Variants in HIPK4 observed in about 807,000 individuals in gnomAD.
The protein encoded by HIPK4 is homeodomain-interacting protein kinase 4.
HIPK4 carries 26 observed loss-of-function variants against 44.8 expected under a neutral mutation model. That is an observed-to-expected ratio of 0.58 (90% CI 0.43 to 0.80). The LOEUF is 0.80. Ranked by LOEUF, HIPK4 falls within the 30% of genes least tolerant of loss-of-function variation. HIPK4 has a pLI of 0.00. For synonymous variants in HIPK4, 340 were observed against 355.5 expected (o/e 0.96, Z 0.49); for missense variants, 729 against 862.6 (o/e 0.85, Z 1.94).
chr19:40,380,839 C>T lies in HIPK4; in HGVS notation c.1152G>A (p.Val384=). ...QVEGKPPTPV[V]AAEDGTPYYC... is the part of the protein sequence containing the mutation. ...AGTAGGGGGTCCCATCTTCTGCGGC[C>T]ACGACGGGCGTGGGGGGCTTCCCCT... The change falls in exon 3 of 4, where the codon GTG becomes GTA. Residue 384 remains valine, a synonymous_variant. Coordinates refer to ENST00000291823, the MANE Select transcript of HIPK4 (RefSeq NM_144685.5). This position sits in a 1 kb window ranked among gnomAD's most constrained non-coding sequence, Gnocchi z 4.2. 1 of 1,610,488 alleles carries T rather than the reference C, an allele frequency of 6.2e-7. No homozygotes were observed. The highest frequency in any genetic ancestry group is 8.5e-7 in the Non-Finnish European group (1 of 1,176,994).
In HIPK4 at chr19:40,379,718, T is replaced by C. The variant is rs752834356; in HGVS notation, c.1720A>G (p.Ser574Gly). 6.2e-7 allele frequency: 1 copy of C among 1,610,824 alleles called. No homozygotes were observed. Among genetic ancestry groups the C allele is most frequent in the Non-Finnish European group, 8.5e-7 (1 of 1,179,174 alleles). The change falls in exon 4 of 4, where the codon AGT becomes GGT. Residue 574 changes from serine to glycine, a missense_variant. By Grantham distance (56) the Ser-to-Gly change is moderately conservative. Coordinates refer to ENST00000291823, the MANE Select transcript of HIPK4 (RefSeq NM_144685.5). ...DPSSCPGEWL[S>G]EPDCTLESVR... The stretch of plus-strand genomic sequence containing the variant: ...CTCTCCAGGGTGCAGTCTGGCTCAC[T>C]CAGCCATTCTCCAGGACAGCTGCTG...
At position 40,389,874 on chromosome 19, in the gene HIPK4, C is replaced by G. The variant is rs374592673; in HGVS notation, c.29G>C (p.Cys10Ser). 103 of 1,610,642 alleles carry G rather than the reference C, an allele frequency of 6.4e-5. No homozygotes were observed. The highest frequency in any genetic ancestry group is 8.4e-5 in the Non-Finnish European group (99 of 1,179,922). MSTIQSETDCYDIIEVLGKG... is the reference protein window; with the variant it reads MSTIQSETDSYDIIEVLGKG... The stretch of plus-strand genomic sequence containing the variant: ...GCCCAAGACCTCGATGATGTCGTAG[C>G]AGTCAGTCTCCGACTGGATGGTGGA... The change falls in exon 1 of 4, where the codon TGC becomes TCC. Residue 10 changes from cysteine to serine, a missense_variant. Coordinates refer to ENST00000291823, the MANE Select transcript of HIPK4 (RefSeq NM_144685.5). The surrounding 1 kb of genome is among the most constrained non-coding windows in gnomAD (Gnocchi z 4.6).
In HIPK4 at chr19:40,380,173, G is replaced by A. The variant is rs573624138; in HGVS notation, c.1668+150C>T. ...TTATCATATCTTGACGGTATTAGGT[G>A]TGTGCTGAGCCTCCTAAGTCCCTAA... On this transcript the variant is annotated intron_variant, in intron 3 of 3. Coordinates refer to ENST00000291823, the MANE Select transcript of HIPK4 (RefSeq NM_144685.5). This position sits in a 1 kb window ranked among gnomAD's most constrained non-coding sequence, Gnocchi z 4.2. 7 of 1,029,366 alleles carry A rather than the reference G, an allele frequency of 6.8e-6. No homozygotes were observed. The East Asian group carries it at 7.8e-5, about 11-fold the overall frequency. The allele number at this position is 1,029,366 out of a possible 1,614,324, so 63.8% of individuals were successfully genotyped here.
At chr19:40,379,907 G>C in intron 3 of HIPK4, 138 bp from the exon 4 acceptor site, 1 of 909,066 alleles carries the variant, frequency 1.1e-6, no homozygotes, top group Non-Finnish European at 1.6e-6. Context: ...CCCCTTTGTA[G>C]TGATGTGATG....
At position 40,380,459 on chromosome 19, in the gene HIPK4, G is replaced by A. The variant is rs774589219; in HGVS notation, c.1532C>T (p.Ser511Leu). 1.7e-5 allele frequency: 27 copies of A among 1,613,690 alleles called. No homozygotes were observed. Among genetic ancestry groups the A allele is most frequent in the Admixed American group, 5.0e-5 (3 of 59,996 alleles). ...FSNLIRLSQV[S>L]PEDDRPCRGS... is the part of the protein sequence containing the mutation. ...CCGGCAGGGCCTGTCATCCTCAGGC[G>A]AGACCTGGCTCAGCCGAATGAGGTT... The change falls in exon 3 of 4, where the codon TCG becomes TTG. Residue 511 changes from serine (S) to leucine (L), a missense_variant. Physicochemically the swap from Ser to Leu is moderately radical, Grantham distance 145 (BLOSUM62 -2). Transcript: ENST00000291823. The surrounding 1 kb of genome is among the most constrained non-coding windows in gnomAD (Gnocchi z 4.2).
chr19:40,381,089 C>G lies in HIPK4; in HGVS notation c.902G>C (p.Ser301Thr). 1.2e-6 allele frequency: 2 copies of G among 1,611,962 alleles called. No homozygotes were observed. Among genetic ancestry groups the G allele is most frequent in the Admixed American group, 1.7e-5 (1 of 60,028 alleles). ...IETVNGGSVA[S>T]RLTFPDREAL... ...CTCCCGGTCAGGGAAGGTTAGCCGACTGGCCACACTGCCACCATTCACTGT... is the reference window on the plus strand; with the variant it reads ...CTCCCGGTCAGGGAAGGTTAGCCGAGTGGCCACACTGCCACCATTCACTGT... The change falls in exon 3 of 4, where the codon AGT becomes ACT. Residue 301 changes from serine (S) to threonine (T), a missense_variant. Ser to Thr is a moderately conservative substitution (Grantham distance 58). Transcript: ENST00000291823.
At position 40,384,135 on chromosome 19, in the gene HIPK4, A is replaced by G; in HGVS notation, c.470T>C (p.Ile157Thr). The G allele has an allele frequency of 1.3e-6, 2 of 1,573,952 alleles. No individual in the cohort carries two copies. Among genetic ancestry groups the G allele is most frequent in the Non-Finnish European group, 1.7e-6 (2 of 1,154,360 alleles). The change falls in exon 2 of 4, where the codon ATT (isoleucine) becomes ACT (threonine). Residue 157 changes from isoleucine to threonine, a missense_variant. Transcript: ENST00000291823. ...GAAAATGCTGGCGGATCCGAAGTCA[A>G]TCACCTGTCGGGGGTGGGGAAGAGG... ...QTRCPFRVKV[I>T]DFGSASIFSE...
chr19:40,380,551 G>A lies in HIPK4; in HGVS notation c.1440C>T (p.Ser480=). The A allele has an allele frequency of 6.2e-7, 1 of 1,611,866 alleles. No individual in the cohort carries two copies. The highest frequency in any genetic ancestry group is 2.2e-5 in the East Asian group (1 of 44,880). Residue 480 remains serine (S), a synonymous_variant, in exon 3 of 4, where the codon AGC becomes AGT. Transcript: ENST00000291823. This position sits in a 1 kb window ranked among gnomAD's most constrained non-coding sequence, Gnocchi z 4.2. The part of the protein sequence containing the change: ...GPEPILAFYS[S]RLAGRHKARK... Reference sequence around the variant, plus strand: ...GGGCCTTGTGGCGGCCTGCCAGGCGGCTGCTGTAGAAGGCCAGGATGGGCT... The same window carrying A: ...GGGCCTTGTGGCGGCCTGCCAGGCGACTGCTGTAGAAGGCCAGGATGGGCT...
Position 40,379,703 on chromosome 19 carries a change from T to C in HIPK4, c.1735A>G (p.Thr579Ala). The change falls in exon 4 of 4, where the codon ACC becomes GCC. Residue 579 changes from threonine to alanine, a missense_variant. Coordinates refer to ENST00000291823, the MANE Select transcript of HIPK4 (RefSeq NM_144685.5). ...CGTGGGCCCCTGACGCTCTCCAGGG[T>C]GCAGTCTGGCTCACTCAGCCATTCT... ...PGEWLSEPDCTLESVRGPRAQ... is the reference protein window; with the variant it reads ...PGEWLSEPDCALESVRGPRAQ... 6.2e-7 allele frequency: 1 copy of C among 1,606,538 alleles called. No homozygotes were observed. Among genetic ancestry groups the C allele is most frequent in the Non-Finnish European group, 8.5e-7 (1 of 1,177,730 alleles).
chr19:40,387,680 T>C (rs1293867788), intron 1 of HIPK4, among the ~76,000 whole-genome samples: 17 of 152,126 alleles, frequency 1.1e-4, no homozygotes, highest in African/African-American at 4.1e-4. Flanking sequence ...GATTTCACCA[T>C]GTTGGCCAGG....
rs1285131553 is a variant in HIPK4, at chr19:40,389,525, C to T, written c.378G>A (p.Arg126=). The T allele has an allele frequency of 1.9e-6, 3 of 1,613,734 alleles. No homozygotes were observed. The highest frequency in any genetic ancestry group is 1.3e-5 in the African/African-American group (1 of 74,978). The part of the protein sequence containing the change: ...VTLQVLTALA[R]LKELAIIHAD... ...CGTGGATGATAGCCAGCTCCTTGAG[C>T]CGGGCCAGGGCTGTGAGCACCTGCA... Residue 126 remains arginine (R), a synonymous_variant, in exon 1 of 4, where the codon CGG becomes CGA. Coordinates refer to ENST00000291823, the MANE Select transcript of HIPK4 (RefSeq NM_144685.5). This position sits in a 1 kb window ranked among gnomAD's most constrained non-coding sequence, Gnocchi z 4.6.
At chr19:40,379,959 T>C (rs1441725144) in intron 3 of HIPK4, among the ~76,000 whole-genome samples, 190 bp from the exon 4 acceptor site, 1 of 152,138 alleles carries the variant, frequency 6.6e-6, no homozygotes, top group Admixed American at 6.6e-5. Context: ...CAAGTGATCC[T>C]CCCACCTCAG....
Position 40,380,572 on chromosome 19 carries a change from G to A in HIPK4, c.1419C>T (p.Pro473=). Residue 473 remains proline, a synonymous_variant, in exon 3 of 4, where the codon CCC becomes CCT. Coordinates refer to ENST00000291823, the MANE Select transcript of HIPK4 (RefSeq NM_144685.5). The surrounding 1 kb of genome is among the most constrained non-coding windows in gnomAD (Gnocchi z 4.2). ...GHHVPDSGPE[P]ILAFYSSRLA... is the part of the protein sequence containing the mutation. Reference sequence around the variant, plus strand: ...GGCGGCTGCTGTAGAAGGCCAGGATGGGCTCAGGGCCCGAGTCGGGCACAT... The same window carrying A: ...GGCGGCTGCTGTAGAAGGCCAGGATAGGCTCAGGGCCCGAGTCGGGCACAT... The A allele has an allele frequency of 1.2e-6, 2 of 1,612,594 alleles. No individual in the cohort carries two copies. The highest frequency in any genetic ancestry group is 1.7e-6 in the Non-Finnish European group (2 of 1,179,834).
chr19:40,387,112 C>T (rs929142663), intron 1 of HIPK4, among the ~76,000 whole-genome samples: 5 of 152,126 alleles, frequency 3.3e-5, no homozygotes, highest in Non-Finnish European at 7.3e-5. Flanking sequence ...ACCTCGGCCT[C>T]CCAAAGTCCT....
At position 40,389,186 on chromosome 19, in the gene HIPK4, G is replaced by T. The variant is rs1376417746; in HGVS notation, c.465+252C>A. ...AGTACAAAAAAAAAATTAGCTGGGC[G>T]TGGTGGCGCATCCCTGTAATCCCAG... On this transcript the variant is annotated intron_variant, in intron 1 of 3. Coordinates refer to ENST00000291823, the MANE Select transcript of HIPK4 (RefSeq NM_144685.5). The surrounding 1 kb of genome is among the most constrained non-coding windows in gnomAD (Gnocchi z 4.6). Among the ~76,000 whole-genome samples the T allele has an allele frequency of 1.3e-5, 2 of 151,620 alleles. No individual in the cohort carries two copies. The highest frequency in any genetic ancestry group is 1.3e-4 in the Admixed American group (2 of 15,218).
chr19:40,380,272 T>C lies in HIPK4; in HGVS notation c.1668+51A>G. ...ATCATATCCTGAGCACGGGTGAGTG[T>C]GTGCTGAGCCTCCTCCCACCCTAAT... On this transcript the variant is annotated intron_variant, in intron 3 of 3. Coordinates refer to ENST00000291823, the MANE Select transcript of HIPK4 (RefSeq NM_144685.5). This position sits in a 1 kb window ranked among gnomAD's most constrained non-coding sequence, Gnocchi z 4.2. 1 of 1,579,304 alleles carries C rather than the reference T, an allele frequency of 6.3e-7. No homozygotes were observed. Among genetic ancestry groups the C allele is most frequent in the Non-Finnish European group, 8.6e-7 (1 of 1,159,994 alleles).
In HIPK4 at chr19:40,383,857, T is replaced by G; in HGVS notation, c.748A>C (p.Lys250Gln). ...HAACKAHHFF[K>Q]RNPHPDAANP... ...GCAGCGTCAGGGTGGGGGTTGCGCT[T>G]GAAGAAGTGGTGGGCCTTGCAGGCG... is the stretch of plus-strand genomic sequence containing the variant. The change falls in exon 2 of 4, where the codon AAG becomes CAG. Residue 250 changes from lysine (K) to glutamine (Q), a missense_variant. Coordinates refer to ENST00000291823, the MANE Select transcript of HIPK4 (RefSeq NM_144685.5). The G allele has an allele frequency of 6.2e-7, 1 of 1,614,130 alleles. No individual in the cohort carries two copies. The highest frequency in any genetic ancestry group is 8.5e-7 in the Non-Finnish European group (1 of 1,180,030).
At chr19:40,385,684 T>TC (rs1491369083) in intron 1 of HIPK4, among the ~76,000 whole-genome samples, 52 of 52,868 alleles carry the variant, frequency 9.8e-4, no homozygotes, top group Admixed American at 1.2e-3. Context: ...TTTTCTTTTC[T>TC]TTTTTTTTTT....
Position 40,379,377 on chromosome 19 carries a change from A to G in HIPK4, c.*210T>C, listed in dbSNP as rs937250283. 2.9e-5 allele frequency: 16 copies of G among 542,840 alleles called. No individual in the cohort carries two copies. The highest frequency in any genetic ancestry group is 4.4e-5 in the Non-Finnish European group (14 of 315,478). The allele number at this position is 542,840 out of a possible 1,614,324, so 33.6% of individuals were successfully genotyped here. Reference sequence around the variant, plus strand: ...CCTGCTGTCCTTCTGGCCAAGGAGCATGGGCCAGACTCCAAAGCCCTGCTG... The same window carrying G: ...CCTGCTGTCCTTCTGGCCAAGGAGCGTGGGCCAGACTCCAAAGCCCTGCTG... On this transcript the variant is annotated 3_prime_UTR_variant, in exon 4 of 4. Transcript: ENST00000291823.
Sources: gnomAD v4.1 joint callset for allele counts (sites outside exome capture counted in the v4.1 genomes callset) on GRCh38, gnomAD v4.1.1 for gene constraint, Gnocchi (gnomAD v3.1) non-coding constraint, MANE v1.5 for transcripts, NCBI Gene and HGNC (gene_info 2026-07-23, HGNC 2026-07-21) for gene names.